AUTS2: variants seen among roughly 807,000 people sequenced by gnomAD.
AUTS2 encodes the protein activator of transcription and developmental regulator AUTS2.
In AUTS2, 17 loss-of-function variants were observed where a neutral mutation model predicts 112.4. The observed-to-expected ratio is 0.15, with a 90% CI of 0.10 to 0.23. The LOEUF (loss-of-function observed/expected upper bound fraction) is 0.23, where lower values mean the gene tolerates loss of function less well. Among genes scored for constraint, AUTS2 ranks in the 10% least tolerant of loss-of-function variants. The probability of loss-of-function intolerance (pLI) is 1.00; values close to 1 mark genes in which losing one functional copy is unlikely to be tolerated. For missense variants in AUTS2, 1,510 were observed against 1,701.6 expected, an observed-to-expected ratio of 0.89 and a Z score of 1.98; for synonymous variants, 751 against 702.7, an observed-to-expected ratio of 1.07 and a Z score of -1.09.
chr7:70,597,820 A>C (rs964485448), intron 5 of AUTS2, among the ~76,000 whole-genome samples: 2 of 152,228 alleles, frequency 1.3e-5, no homozygotes, highest in Non-Finnish European at 2.9e-5. Context: ...GATAATTAGC[A>C]CTTCAAGTAA....
At chr7:70,039,648 C>G (rs543707897) in intron 2 of AUTS2, among the ~76,000 whole-genome samples, 1 of 152,298 alleles carries the variant, frequency 6.6e-6, no homozygotes, top group South Asian at 2.1e-4. Flanking sequence ...TGCACCCGGC[C>G]TGAGCTACTG....
intron 3 of AUTS2, among the ~76,000 whole-genome samples, chr7:70,123,999 T>C (rs924715577): frequency 3.3e-5 from 5 of 152,216 alleles, no homozygotes; most frequent in Non-Finnish European, 7.3e-5. Flanking sequence ...CTCTGCCACC[T>C]TGCCAGCATC....
At chr7:70,263,508 A>G (rs578222776) in intron 4 of AUTS2, among the ~76,000 whole-genome samples, 43 of 152,338 alleles carry the variant, frequency 2.8e-4, no homozygotes, top group African/African-American at 9.4e-4. Context: ...TTATTCATGT[A>G]GCTATTCCTC....
intron 4 of AUTS2, among the ~76,000 whole-genome samples, chr7:70,358,291 C>T (rs1333311290): frequency 1.3e-5 from 2 of 152,194 alleles, no homozygotes; most frequent in Non-Finnish European, 2.9e-5. Flanking sequence ...AAATGAAGCA[C>T]CATTAAAACT....
intron 2 of AUTS2, among the ~76,000 whole-genome samples, chr7:69,964,419 A>T (rs771781315): frequency 1.1e-4 from 17 of 152,316 alleles, no homozygotes; most frequent in South Asian, 4.1e-4. Flanking sequence ...GATGGTTAAT[A>T]AAATATAAAC....
At chr7:69,952,224 T>C (rs1797054775) in intron 2 of AUTS2, among the ~76,000 whole-genome samples, 1 of 152,200 alleles carries the variant, frequency 6.6e-6, no homozygotes, top group African/African-American at 2.4e-5. Flanking sequence ...TTAAATGTTT[T>C]TGTGTACCCA....
At chr7:70,537,265 C>G (rs2129502905) in intron 5 of AUTS2, among the ~76,000 whole-genome samples, 1 of 152,282 alleles carries the variant, frequency 6.6e-6, no homozygotes, top group Admixed American at 6.5e-5. Flanking sequence ...AGCAGGTGAC[C>G]TTCTGTAACC....
At chr7:69,820,615 G>A (rs1790947539) in intron 1 of AUTS2, among the ~76,000 whole-genome samples, 2 of 152,226 alleles carry the variant, frequency 1.3e-5, no homozygotes, top group Admixed American at 1.3e-4. Flanking sequence ...TTTATAGCAG[G>A]ATGCTAAGCT....
chr7:69,678,113 C>A (rs1796638083), intron 1 of AUTS2, among the ~76,000 whole-genome samples: 1 of 152,088 alleles, frequency 6.6e-6, no homozygotes, highest in East Asian at 1.9e-4. Flanking sequence ...AGTTCTCAGG[C>A]TGACCTATGA....
intron 4 of AUTS2, among the ~76,000 whole-genome samples, chr7:70,233,243 C>T (rs748747297): frequency 1.1e-4 from 16 of 152,200 alleles, no homozygotes; most frequent in Non-Finnish European, 2.2e-4. Flanking sequence ...CTCCCTACCA[C>T]GTCATCCAAC....
intron 2 of AUTS2, among the ~76,000 whole-genome samples, chr7:69,930,131 T>G (rs1053984289): frequency 6.6e-6 from 1 of 152,122 alleles, no homozygotes; most frequent in Non-Finnish European, 1.5e-5. Context: ...GAAGTATGAG[T>G]TTTTTAGTCT....
chr7:70,583,608 C>G (rs1802554195), intron 5 of AUTS2, among the ~76,000 whole-genome samples: 1 of 152,208 alleles, frequency 6.6e-6, no homozygotes, highest in Non-Finnish European at 1.5e-5. Context: ...GTCCCCAGCT[C>G]TGGGAGCTTC....
At chr7:69,697,131 T>C (rs564919862) in intron 1 of AUTS2, among the ~76,000 whole-genome samples, 1 of 152,370 alleles carries the variant, frequency 6.6e-6, no homozygotes, top group African/African-American at 2.4e-5. Flanking sequence ...TAGTTTCTGA[T>C]TCAGTATGCC....
intron 1 of AUTS2, among the ~76,000 whole-genome samples, chr7:69,753,908 G>A (rs143820819): frequency 1.3e-5 from 2 of 152,276 alleles, no homozygotes; most frequent in South Asian, 2.1e-4. Flanking sequence ...AGCTGGTGCC[G>A]AACATTGCTG....
At chr7:69,826,395 T>C (rs1259175933) in intron 1 of AUTS2, among the ~76,000 whole-genome samples, 3 of 152,226 alleles carry the variant, frequency 2.0e-5, no homozygotes, top group Admixed American at 2.0e-4. Flanking sequence ...AGCTTTTGAC[T>C]GTAAATCCCT....
chr7:70,286,761 C>T (rs551938659), intron 4 of AUTS2, among the ~76,000 whole-genome samples: 3 of 152,174 alleles, frequency 2.0e-5, no homozygotes, highest in Admixed American at 2.0e-4. Flanking sequence ...TTTCCAAAAT[C>T]TTTTTCATGG....
rs563025499 is a variant in AUTS2, at chr7:70,617,619, C to T, written c.691-80950C>T. Among the ~76,000 whole-genome samples, 6 of 151,714 alleles carry T rather than the reference C, an allele frequency of 4.0e-5. No individual in the cohort carries two copies. In the East Asian group the frequency reaches 1.2e-3, roughly 30 times the overall value. ...CAGAGCTTGCAGTGAGCTGAGATCA[C>T]ACCACTGCACACCAACCTGGGCGAC... On this transcript the variant is annotated intron_variant, in intron 5 of 18. Transcript: ENST00000342771.
In AUTS2 at chr7:69,599,587, T is replaced by G; in HGVS notation, c.-67T>G. 8.1e-7 allele frequency: 1 copy of G among 1,239,218 alleles called. No individual in the cohort carries two copies. Among genetic ancestry groups the G allele is most frequent in the Middle Eastern group, 3.1e-4 (1 of 3,206 alleles). The allele number at this position is 1,239,218 out of a possible 1,614,324, so 76.8% of individuals were successfully genotyped here. ...GGGGGAGGGAGGGCTCGGTGTCAAT[T>G]TTTTTTTGTGTGGCTGCGGCCGTAG... is the stretch of plus-strand genomic sequence containing the variant. On this transcript the variant is annotated 5_prime_UTR_variant, in exon 1 of 19. In the 5' UTR this introduces an upstream ATG that the reference lacks. Transcript: ENST00000342771. This position sits in a 1 kb window ranked among gnomAD's most constrained non-coding sequence, Gnocchi z 7.0.
intron 2 of AUTS2, among the ~76,000 whole-genome samples, chr7:70,019,063 A>G (rs532260226): frequency 5.3e-5 from 8 of 152,228 alleles, no homozygotes; most frequent in East Asian, 3.8e-4. Context: ...CATATATACC[A>G]TGGAATACTC....
Sources: gnomAD v4.1 joint callset for allele counts (sites outside exome capture counted in the v4.1 genomes callset) on GRCh38, gnomAD v4.1.1 for gene constraint, Gnocchi (gnomAD v3.1) non-coding constraint, MANE v1.5 for transcripts, NCBI Gene and HGNC (gene_info 2026-07-23, HGNC 2026-07-21) for gene names.